The following EIF4A2 variants were observed in gnomAD, a reference collection of about 807,000 sequenced individuals.
The protein encoded by EIF4A2 is eukaryotic translation initiation factor 4A2, also known as eukaryotic initiation factor 4A-II.
Under a neutral mutation model 50.6 loss-of-function variants are expected in EIF4A2, and 9 were observed. The observed-to-expected ratio is 0.18, with a 90% CI of 0.11 to 0.31. EIF4A2 has a LOEUF of 0.31. Ranked by LOEUF, EIF4A2 falls within the 10% of genes least tolerant of loss-of-function variation. EIF4A2 has a pLI of 1.00. For synonymous variants in EIF4A2, 215 were observed against 164.4 expected, an observed-to-expected ratio of 1.31 and a Z score of -2.35; for missense variants, 182 against 501.8, an observed-to-expected ratio of 0.36 and a Z score of 6.09.
At chr3:186,785,272 G>GGT (rs766025516) in intron 4 of EIF4A2, 171 bp downstream of exon 4, 44 of 913,314 alleles carry the variant, frequency 4.8e-5, no homozygotes, top group Non-Finnish European at 6.9e-5. Context: ...TGGGTATGCA[G>GGT]GTATGGTTTG....
rs1291392797 is a variant in EIF4A2 at position 186,784,392 on chromosome 3, G to C, written c.30-40G>C. ...ATGCGCTTAAGGTGCAGTTGAGGTGGCCTGGAAGGGGTGTCTGACTGCAGT... is the reference window on the plus strand; with the variant it reads ...ATGCGCTTAAGGTGCAGTTGAGGTGCCCTGGAAGGGGTGTCTGACTGCAGT... On this transcript the variant is annotated intron_variant, in intron 1 of 10. Coordinates refer to ENST00000323963, the MANE Select transcript of EIF4A2 (RefSeq NM_001967.4). 2.5e-6 allele frequency: 4 copies of C among 1,613,912 alleles called. No homozygotes were observed. In the African/African-American group the frequency reaches 5.3e-5, roughly 22 times the overall value.
Position 186,787,934 on chromosome 3 carries a change from C to T in EIF4A2, c.1079+52C>T, listed in dbSNP as rs533977062. On this transcript the variant is annotated intron_variant, in intron 10 of 10. Coordinates refer to ENST00000323963, the MANE Select transcript of EIF4A2 (RefSeq NM_001967.4). ...TGAAAAAAATTCATACGTTTTTCTA[C>T]TGTGATTTGTATGAAAGGTAACATC... is the stretch of plus-strand genomic sequence containing the variant. The T allele has an allele frequency of 2.0e-5, 31 of 1,571,842 alleles. No homozygotes were observed. The East Asian group carries it at 6.7e-4, about 34-fold the overall frequency.
chr3:186,789,010 C>T (rs1721963823), intron 10 of EIF4A2, 115 bp from the exon 11 acceptor site: 3 of 1,420,210 alleles, frequency 2.1e-6, no homozygotes, highest in South Asian at 3.0e-5. Context: ...CAGTTAGAAG[C>T]ACGAACTATA....
intron 1 of EIF4A2, chr3:186,784,112 C>G (rs992511227): frequency 4.1e-6 from 2 of 489,226 alleles, no homozygotes; most frequent in Non-Finnish European, 7.4e-6. Context: ...TGGCATCGCC[C>G]TCGCCAGGCC....
At chr3:186,788,795 C>T (rs1361983282) in intron 10 of EIF4A2, 1 of 278,672 alleles carries the variant, frequency 3.6e-6, no homozygotes, top group Non-Finnish European at 6.8e-6. Flanking sequence ...ACATCTGTCC[C>T]AGGCTGACAC....
chr3:186,786,538 T>C lies in EIF4A2; in HGVS notation c.664T>C (p.Leu222=). 3.1e-6 allele frequency: 5 copies of C among 1,612,948 alleles called. No individual in the cohort carries two copies. Among genetic ancestry groups the C allele is most frequent in the Non-Finnish European group, 4.2e-6 (5 of 1,179,974 alleles). ...TTCTGCCACAATGCCAACTGATGTGTTGGAAGTGACCAAAAAATTCATGAG... is the reference window on the plus strand; with the variant it reads ...TTCTGCCACAATGCCAACTGATGTGCTGGAAGTGACCAAAAAATTCATGAG... ...LLSATMPTDV[L]EVTKKFMRDP... is the part of the protein sequence containing the mutation. The change falls in exon 7 of 11, where the codon TTG becomes CTG. Residue 222 remains leucine (L), a synonymous_variant. Transcript: ENST00000323963.
chr3:186,789,218 C>G lies in EIF4A2; in HGVS notation c.1173C>G (p.Phe391Leu). ...DKRILRDIET[F>L]YNTTVEEMPM... ...GGATTCTTCGTGACATTGAGACTTT[C>G]TACAATACTACAGTGGAGGAGATGC... Residue 391 changes from phenylalanine to leucine, a missense_variant, in exon 11 of 11, where the codon TTC (phenylalanine) becomes TTG (leucine). Physicochemically the swap from Phe to Leu is conservative, Grantham distance 22 (BLOSUM62 0). Transcript: ENST00000323963. 6.2e-7 allele frequency: 1 copy of G among 1,613,034 alleles called. No homozygotes were observed. The highest frequency in any genetic ancestry group is 8.5e-7 in the Non-Finnish European group (1 of 1,179,736).
Position 186,786,305 on chromosome 3 carries a change from A to G in EIF4A2, c.627+32A>G, listed in dbSNP as rs373878541. On this transcript the variant is annotated intron_variant, in intron 6 of 10. Coordinates refer to ENST00000323963, the MANE Select transcript of EIF4A2 (RefSeq NM_001967.4). The stretch of plus-strand genomic sequence containing the variant: ...ATTACTTCACCCCCCTCTTAAAGGT[A>G]GAGATGGGGTTTATTTAATGCAGGT... 1.9e-6 allele frequency: 3 copies of G among 1,591,644 alleles called. No individual in the cohort carries two copies. In the African/African-American group the frequency reaches 4.0e-5, roughly 21 times the overall value.
At chr3:186,787,295 C>T (rs1331704848) in intron 8 of EIF4A2, 31 bp downstream of exon 8, 7 of 1,613,890 alleles carry the variant, frequency 4.3e-6, no homozygotes, top group Middle Eastern at 1.6e-4. Flanking sequence ...TCTGGATTTC[C>T]ACTAAAGCAG....
At chr3:186,786,975 C>CCAGTT in intron 7 of EIF4A2, 152 bp from the exon 8 acceptor site, 1 of 1,199,616 alleles carries the variant, frequency 8.3e-7, no homozygotes, top group Non-Finnish European at 1.2e-6. Flanking sequence ...TTTCTTGAAA[C>CCAGTT]CCTGGTCTGG....
At position 186,787,073 on chromosome 3, in the gene EIF4A2, C is replaced by CT. The variant is rs951197056; in HGVS notation, c.772-53dup. ...TGGCTGGCCCAGAATGAATTTTTAA[C>CT]TGAAGAGTTGGAAAAACTAAATGAC... On this transcript the variant is annotated intron_variant, in intron 7 of 10. Transcript: ENST00000323963. 5.0e-6 allele frequency: 8 copies of CT among 1,606,960 alleles called. No homozygotes were observed. In the African/African-American group the frequency reaches 8.0e-5, roughly 16 times the overall value.
At chr3:186,783,872 G>C (rs1372287696) in intron 1 of EIF4A2, 2 of 602,794 alleles carry the variant, frequency 3.3e-6, no homozygotes, top group Non-Finnish European at 5.8e-6. Flanking sequence ...AAGACATTAC[G>C]AAACTTCGGC....
Position 186,784,578 on chromosome 3 carries a change from G to A in EIF4A2, c.90G>A (p.Glu30=). ...CTAACTTACAGAGCAACTGGAATGA[G>A]ATTGTTGATAACTTTGATGATATGA... ...PDGVIESNWN[E]IVDNFDDMNL... The change falls in exon 3 of 11, where the codon GAG becomes GAA. Residue 30 remains glutamate (E), a synonymous_variant. Transcript: ENST00000323963. 1 of 1,614,190 alleles carries A rather than the reference G, an allele frequency of 6.2e-7. No homozygotes were observed. Among genetic ancestry groups the A allele is most frequent in the African/African-American group, 1.3e-5 (1 of 75,052 alleles).
At chr3:186,786,073 GTA>G (rs1344670639) in intron 5 of EIF4A2, 22 bp downstream of exon 5, 4 of 1,600,440 alleles carry the variant, frequency 2.5e-6, no homozygotes, top group East Asian at 2.2e-5. Context: ...CTTTAAGAGA[GTA>G]TTTTTTTTAA....
At chr3:186,788,665 T>C (rs1295313909) in intron 10 of EIF4A2, 1 of 232,304 alleles carries the variant, frequency 4.3e-6, no homozygotes, top group Non-Finnish European at 8.6e-6. Context: ...ATATTTGTTT[T>C]CCCACTGGAA....
intron 10 of EIF4A2, chr3:186,788,424 T>G: frequency 8.0e-7 from 1 of 1,243,900 alleles, no homozygotes; most frequent in Non-Finnish European, 1.0e-6. Context: ...CGAGTCGGTA[T>G]TTATATTTGT....
chr3:186,785,204 TC>T, intron 4 of EIF4A2, 103 bp downstream of exon 4: 1 of 1,511,030 alleles, frequency 6.6e-7, no homozygotes. Flanking sequence ...TCCTACCAGA[TC>T]CCTCCTTTTA....
Position 186,787,248 on chromosome 3 carries a change from TCA to T in EIF4A2, c.896_897del (p.Thr299SerfsTer7), listed in dbSNP as rs1721782941. The T allele has an allele frequency of 1.2e-6, 2 of 1,614,138 alleles. No individual in the cohort carries two copies. The highest frequency in any genetic ancestry group is 1.7e-6 in the Non-Finnish European group (2 of 1,179,984). The stretch of plus-strand genomic sequence containing the variant: ...ACTGAGAAGATGCATGCCAGAGACT[TCA>T]CAGTTTCTGCTCTGGTAAGAGGTGT... On this transcript the variant is annotated frameshift_variant, in exon 8 of 11. Transcript: ENST00000323963. LOFTEE classifies it high-confidence loss of function.
intron 4 of EIF4A2, 129 bp downstream of exon 4, chr3:186,785,230 C>A: frequency 7.2e-7 from 1 of 1,380,010 alleles, no homozygotes; most frequent in Non-Finnish European, 9.8e-7. Context: ...TCCATGCATG[C>A]AGGGAGTTTT....
Sources: gnomAD v4.1 joint callset for allele counts on GRCh38, gnomAD v4.1.1 for gene constraint, MANE v1.5 for transcripts, NCBI Gene and HGNC (gene_info 2026-07-23, HGNC 2026-07-21) for gene names.